The following NFIB variants were observed in gnomAD, a reference collection of about 807,000 sequenced individuals.
NFIB encodes the protein nuclear factor I B, also known as nuclear factor 1 B-type.
A neutral mutation model predicts 61.5 loss-of-function variants in NFIB; 11 were observed. The observed-to-expected ratio is 0.18, with a 90% CI of 0.11 to 0.30. The LOEUF is 0.30. Ranked by LOEUF, NFIB falls within the 10% of genes least tolerant of loss-of-function variation. NFIB has a pLI of 1.00. For missense variants in NFIB, 471 were observed against 608.9 expected (o/e 0.77, Z 2.38); for synonymous variants, 260 against 216.5 (o/e 1.20, Z -1.76).
At chr9:14,492,307 G>C in the NFIB span, among the ~76,000 whole-genome samples, 1 of 151,812 alleles carries the variant, frequency 6.6e-6, no homozygotes, top group Non-Finnish European at 1.5e-5. Flanking sequence ...AGCTTGCAGT[G>C]AGCCGAGATC....
At chr9:14,115,879 G>A (rs1480992602) in intron 9 of NFIB, among the ~76,000 whole-genome samples, 1 of 152,138 alleles carries the variant, frequency 6.6e-6, no homozygotes, top group Non-Finnish European at 1.5e-5. Context: ...TTTGTATTCT[G>A]CGTTATGTTA....
chr9:14,521,128 G>A, the NFIB span, among the ~76,000 whole-genome samples: 5 of 152,206 alleles, frequency 3.3e-5, no homozygotes, highest in African/African-American at 1.2e-4. Flanking sequence ...GCTTTAGTGA[G>A]CAGGACAAAG....
the NFIB span, among the ~76,000 whole-genome samples, chr9:14,413,464 C>T: frequency 6.6e-6 from 1 of 151,964 alleles, no homozygotes; most frequent in African/African-American, 2.4e-5. Context: ...ATTTCAGATC[C>T]CTTATTGGTT....
chr9:14,397,843 G>A (rs80022486), intron 1 of NFIB, among the ~76,000 whole-genome samples: 2,542 of 152,234 alleles, frequency 0.017, 63 homozygotes, highest in African/African-American at 0.057. Context: ...TAATGGGTAC[G>A]TGCTGCTTTT....
At chr9:14,324,172 G>A (rs2060724692) in intron 1 of NFIB, among the ~76,000 whole-genome samples, 1 of 152,244 alleles carries the variant, frequency 6.6e-6, no homozygotes, top group East Asian at 1.9e-4. Flanking sequence ...AGCGAGTATA[G>A]CTATAACTCA....
chr9:14,130,601 T>A (rs544948584), intron 6 of NFIB, among the ~76,000 whole-genome samples: 1 of 152,238 alleles, frequency 6.6e-6, no homozygotes, highest in Admixed American at 6.5e-5. Context: ...GACTAATGGC[T>A]TACCTCCTAA....
chr9:14,439,511 G>A, the NFIB span, among the ~76,000 whole-genome samples: 3 of 152,258 alleles, frequency 2.0e-5, no homozygotes, highest in African/African-American at 7.2e-5. Flanking sequence ...GTGCTTAGAA[G>A]AGTGTCTGGT....
At chr9:14,447,100 G>C in the NFIB span, among the ~76,000 whole-genome samples, 2 of 152,040 alleles carry the variant, frequency 1.3e-5, no homozygotes, top group Non-Finnish European at 2.9e-5. Context: ...ATATTTCATA[G>C]GTTCAATGTA....
At chr9:14,315,046 C>T (rs1016181087), upstream of NFIB, among the ~76,000 whole-genome samples, 2 of 151,894 alleles carry the variant, frequency 1.3e-5, no homozygotes, top group Admixed American at 6.5e-5. Flanking sequence ...CCGGGGCGGG[C>T]TCAGTCCGCG....
chr9:14,523,646 A>G, the NFIB span, among the ~76,000 whole-genome samples: 1 of 152,168 alleles, frequency 6.6e-6, no homozygotes, highest in Admixed American at 6.6e-5. Context: ...CATTTATTCC[A>G]AAGTCACTTT....
intron 2 of NFIB, among the ~76,000 whole-genome samples, chr9:14,293,147 C>T (rs2059209400): frequency 6.6e-6 from 1 of 152,178 alleles, no homozygotes; most frequent in South Asian, 2.1e-4. Context: ...TTGATACATA[C>T]ATTTGCTGTA....
At position 14,302,114 on chromosome 9, in the gene NFIB, T is replaced by C. The variant is rs1439920860; in HGVS notation, c.562+4875A>G. On this transcript the variant is annotated intron_variant, in intron 2 of 10. Coordinates refer to ENST00000380953, the MANE Select transcript of NFIB (RefSeq NM_001190737.2). ...TAGAGAGCAGCCTCATTTTAATCAA[T>C]TATGAAAGCTTATTTTTTCCCATAA... Among the ~76,000 whole-genome samples, 4 of 152,230 alleles carry C rather than the reference T, an allele frequency of 2.6e-5. No individual in the cohort carries two copies. The East Asian group carries it at 7.7e-4, about 29-fold the overall frequency.
chr9:14,256,805 A>C (rs1262744525), intron 2 of NFIB, among the ~76,000 whole-genome samples: 1 of 152,218 alleles, frequency 6.6e-6, no homozygotes, highest in African/African-American at 2.4e-5. Context: ...GGTCCTCTGC[A>C]GAACTTGAAG....
chr9:14,276,363 T>C (rs2057998091), intron 2 of NFIB, among the ~76,000 whole-genome samples: 1 of 152,162 alleles, frequency 6.6e-6, no homozygotes, highest in Non-Finnish European at 1.5e-5. Flanking sequence ...ATAAAGGTGC[T>C]TTACAATTTA....
intron 2 of NFIB, among the ~76,000 whole-genome samples, chr9:14,248,334 C>T (rs538948084): frequency 1.3e-5 from 2 of 150,716 alleles, no homozygotes; most frequent in East Asian, 2.0e-4. Context: ...TCCTTTCTTC[C>T]TTCCTTCCTT....
chr9:14,230,643 A>AT (rs2053012077), intron 2 of NFIB, among the ~76,000 whole-genome samples: 1 of 152,236 alleles, frequency 6.6e-6, no homozygotes, highest in Non-Finnish European at 1.5e-5. Context: ...TAAAGGGTGA[A>AT]TAAAAATTAG....
At chr9:14,403,128 G>C (rs2061758100), upstream of NFIB, among the ~76,000 whole-genome samples, 1 of 152,148 alleles carries the variant, frequency 6.6e-6, no homozygotes, top group Admixed American at 6.5e-5. Flanking sequence ...TCCTGTTCTT[G>C]CACCTTTATC....
rs1461129764 is a variant in NFIB, at chr9:14,082,095, C to G, written c.*6214G>C. 9.5e-6 allele frequency: 2 copies of G among 211,032 alleles called. No homozygotes were observed. The highest frequency in any genetic ancestry group is 1.9e-5 in the Non-Finnish European group (2 of 103,588). 13.1% of individuals were successfully genotyped at this position (211,032 alleles called of 1,614,324 possible). On this transcript the variant is annotated 3_prime_UTR_variant, in exon 11 of 11. Transcript: ENST00000380953. ...GCACAATAAAACCTTCACTAACATT[C>G]TGGCCCAGTCTGGGGTTGATCCCAG...
At chr9:14,417,388 A>C in the NFIB span, among the ~76,000 whole-genome samples, 1 of 152,208 alleles carries the variant, frequency 6.6e-6, no homozygotes, top group Non-Finnish European at 1.5e-5. Flanking sequence ...GGGTTTGTGT[A>C]AGCACACTGT....
Sources: gnomAD v4.1 joint callset for allele counts (sites outside exome capture counted in the v4.1 genomes callset) on GRCh38, gnomAD v4.1.1 for gene constraint, MANE v1.5 for transcripts, NCBI Gene and HGNC (gene_info 2026-07-23, HGNC 2026-07-21) for gene names.